SGSM1: variants seen among roughly 807,000 people sequenced by gnomAD.
SGSM1 encodes the protein small G protein signaling modulator 1, also known as RUN and TBC1 domain containing 2.
In SGSM1, 73 loss-of-function variants were observed where a neutral mutation model predicts 133.8. The observed-to-expected ratio is 0.55, with a 90% CI of 0.45 to 0.66. The LOEUF (loss-of-function observed/expected upper bound fraction) is 0.66. SGSM1 is among the 30% of genes least tolerant of loss of function. The probability of loss-of-function intolerance (pLI) is 0.00; values close to 1 mark genes in which losing one functional copy is unlikely to be tolerated. For synonymous variants in SGSM1, 563 were observed against 573.0 expected, an observed-to-expected ratio of 0.98 and a Z score of 0.25; for missense variants, 1,213 against 1,448.1, an observed-to-expected ratio of 0.84 and a Z score of 2.64.
intron 2 of SGSM1, among the ~76,000 whole-genome samples, chr22:24,833,984 C>T (rs1346972463): frequency 6.6e-6 from 1 of 152,240 alleles, no homozygotes; most frequent in South Asian, 2.1e-4. Context: ...GGGTTTGCCA[C>T]ATGTCCTGAG....
At chr22:24,872,319 GGTTCACATCA>G (rs1224470827) in intron 12 of SGSM1, among the ~76,000 whole-genome samples, 1 of 152,128 alleles carries the variant, frequency 6.6e-6, no homozygotes, top group Non-Finnish European at 1.5e-5. Context: ...TATGTGGACA[GGTTCACATCA>G]GATAAGGGCA....
At chr22:24,867,015 G>T (rs903310316) in intron 9 of SGSM1, 78 bp from the exon 10 acceptor site, 42 of 1,385,216 alleles carry the variant, frequency 3.0e-5, no homozygotes, top group Non-Finnish European at 3.8e-5. Flanking sequence ...TCCTGGTTGT[G>T]GTCTGCTGGC....
chr22:24,874,455 GGGCCCTGCCTGGATGAT>G (rs1931923161), intron 12 of SGSM1: 2 of 1,613,414 alleles, frequency 1.2e-6, no homozygotes, highest in African/African-American at 2.7e-5. Context: ...CCGTCTCTGT[GGGCCCTGCCTGGATGAT>G]GGTTCCTGCA....
chr22:24,832,143 G>T (rs994995309), intron 2 of SGSM1, among the ~76,000 whole-genome samples: 1 of 152,238 alleles, frequency 6.6e-6, no homozygotes, highest in African/African-American at 2.4e-5. Context: ...CTGATCCCTA[G>T]ATCTGGGTCA....
chr22:24,857,943 C>A (rs1930903427), intron 8 of SGSM1, among the ~76,000 whole-genome samples: 1 of 152,016 alleles, frequency 6.6e-6, no homozygotes, highest in Non-Finnish European at 1.5e-5. Flanking sequence ...TGCAGCATTT[C>A]TTGCAAGAAT....
At chr22:24,866,456 A>T (rs929893541) in intron 9 of SGSM1, among the ~76,000 whole-genome samples, 1 of 152,182 alleles carries the variant, frequency 6.6e-6, no homozygotes, top group African/African-American at 2.4e-5. Context: ...AGACTCCTAG[A>T]TGCCAGTTAG....
intron 3 of SGSM1, among the ~76,000 whole-genome samples, chr22:24,847,079 C>A (rs1015468669): frequency 6.6e-6 from 1 of 152,030 alleles, no homozygotes; most frequent in Admixed American, 6.6e-5. Flanking sequence ...TGACCTCGCT[C>A]TCCAGCACCC....
At chr22:24,847,476 C>T (rs988195525) in intron 3 of SGSM1, among the ~76,000 whole-genome samples, 158 bp from the exon 4 acceptor site, 4 of 152,114 alleles carry the variant, frequency 2.6e-5, no homozygotes, top group Admixed American at 6.6e-5. Flanking sequence ...TGATTATGCA[C>T]CTATACAAGT....
At chr22:24,819,295 A>C (rs1928328906) in intron 2 of SGSM1, among the ~76,000 whole-genome samples, 1 of 152,202 alleles carries the variant, frequency 6.6e-6, no homozygotes, top group South Asian at 2.1e-4. Context: ...ATTTAAATTA[A>C]ATTGAAAATG....
At chr22:24,879,609 T>C in intron 14 of SGSM1, 83 bp downstream of exon 14, 2 of 1,377,740 alleles carry the variant, frequency 1.5e-6, no homozygotes, top group Non-Finnish European at 2.0e-6. Flanking sequence ...CAAAAGATAC[T>C]GGCTCTGGAG....
chr22:24,866,052 G>C (rs1378984353), intron 9 of SGSM1, among the ~76,000 whole-genome samples: 1 of 152,176 alleles, frequency 6.6e-6, no homozygotes, highest in Admixed American at 6.5e-5. Context: ...AAGGAGATGT[G>C]AGTGGTGCAT....
intron 16 of SGSM1, among the ~76,000 whole-genome samples, chr22:24,889,979 C>T (rs9612802): frequency 0.32 from 40,273 of 126,948 alleles, 6,511 homozygotes; most frequent in African/African-American, 0.48. Flanking sequence ...TTTTTTGAGA[C>T]GGAGTCTTGC....
intron 19 of SGSM1, among the ~76,000 whole-genome samples, chr22:24,899,056 G>A (rs1403008184): frequency 6.8e-6 from 1 of 146,064 alleles, no homozygotes; most frequent in African/African-American, 2.5e-5. Flanking sequence ...AACGTGTACA[G>A]TGTTATAATA....
At chr22:24,907,247 C>T (rs2123724663) in intron 21 of SGSM1, among the ~76,000 whole-genome samples, 1 of 146,618 alleles carries the variant, frequency 6.8e-6, no homozygotes, top group Admixed American at 6.9e-5. Flanking sequence ...GTGACAAGAG[C>T]AAAACTCCAT....
intron 9 of SGSM1, among the ~76,000 whole-genome samples, chr22:24,861,955 TC>T (rs1443104437): frequency 0.062 from 8,925 of 144,512 alleles, 482 homozygotes; most frequent in African/African-American, 0.14. Context: ...TTTCTTTCTT[TC>T]TTTTTTTTTT....
At chr22:24,844,621 G>T in intron 2 of SGSM1, 1 of 446,474 alleles carries the variant, frequency 2.2e-6, no homozygotes, top group Non-Finnish European at 4.1e-6. Context: ...GTGTGGTCAG[G>T]AAAGGAGATG....
intron 5 of SGSM1, 53 bp downstream of exon 5, chr22:24,850,485 G>T (rs148115009): frequency 6.3e-7 from 1 of 1,590,268 alleles, no homozygotes; most frequent in Non-Finnish European, 8.6e-7. Context: ...CCTGCCGGCC[G>T]TTGTGGAAAT....
intron 12 of SGSM1, among the ~76,000 whole-genome samples, chr22:24,869,720 C>A (rs1310791261): frequency 6.6e-6 from 1 of 152,130 alleles, no homozygotes; most frequent in Non-Finnish European, 1.5e-5. Flanking sequence ...TCAAACTTTA[C>A]ACCGGTAGAG....
rs9624624 is a variant in SGSM1, at chr22:24,837,587, C to T, written c.64-7310C>T. Among the ~76,000 whole-genome samples the T allele has an allele frequency of 4.0e-4, 19 of 47,340 alleles. No homozygotes were observed. In the East Asian group the frequency reaches 7.1e-3, roughly 18 times the overall value. The allele number at this position is 47,340 out of a possible 152,430, so 31.1% of individuals were successfully genotyped here. A position where few individuals can be genotyped will look rare whatever the true frequency, so the allele number is the denominator to read the frequency against. The stretch of plus-strand genomic sequence containing the variant: ...CCCCGGGGAAAGGGAGACCCCCCCC[C>T]CCCCTTTCCCAGTCTGCTAAGTAGC... On this transcript the variant is annotated intron_variant, in intron 2 of 24. Coordinates refer to ENST00000400358, the MANE Select transcript of SGSM1 (RefSeq NM_001098497.3).
Sources: gnomAD v4.1 joint callset for allele counts (sites outside exome capture counted in the v4.1 genomes callset) on GRCh38, gnomAD v4.1.1 for gene constraint, MANE v1.5 for transcripts, NCBI Gene and HGNC (gene_info 2026-07-23, HGNC 2026-07-21) for gene names.